Variants in ARID1B observed in about 807,000 individuals in gnomAD.
ARID1B encodes AT-rich interaction domain 1B.
Under a neutral mutation model 212.3 loss-of-function variants are expected in ARID1B, and 30 were observed. The ratio of observed to expected loss-of-function variants is 0.14; its 90% CI spans 0.11 to 0.19. ARID1B has a LOEUF of 0.19. Among genes scored for constraint, ARID1B ranks in the 10% least tolerant of loss-of-function variants. ARID1B has a pLI of 1.00. For synonymous variants in ARID1B, 1,402 were observed against 1,301.7 expected (o/e 1.08, Z -1.66); for missense variants, 2,891 against 3,204.0 (o/e 0.90, Z 2.36).
At chr6:157,154,690 T>C (rs1424354281) in intron 8 of ARID1B, among the ~76,000 whole-genome samples, 1 of 147,510 alleles carries the variant, frequency 6.8e-6, no homozygotes, top group Non-Finnish European at 1.5e-5. Flanking sequence ...GTGATTCTCC[T>C]GCCTCAGCCT....
chr6:156,892,846 C>T (rs372310340), intron 2 of ARID1B, among the ~76,000 whole-genome samples: 37 of 152,058 alleles, frequency 2.4e-4, no homozygotes, highest in African/African-American at 8.0e-4. Context: ...GTGTAAATAC[C>T]AAACTGTACT....
At chr6:156,852,804 A>T (rs996471346) in intron 2 of ARID1B, among the ~76,000 whole-genome samples, 2 of 152,094 alleles carry the variant, frequency 1.3e-5, no homozygotes, top group African/African-American at 4.8e-5. Flanking sequence ...TATCTTACTT[A>T]CTCTGAAAGT....
chr6:157,055,197 C>G (rs1398554815), intron 4 of ARID1B, among the ~76,000 whole-genome samples: 3 of 152,220 alleles, frequency 2.0e-5, no homozygotes, highest in Admixed American at 6.5e-5. Context: ...GAGTGATTAT[C>G]TTTCCTTCTA....
chr6:157,185,195 T>A (rs1206074003), intron 13 of ARID1B: 2 of 152,452 alleles, frequency 1.3e-5, no homozygotes, highest in African/African-American at 2.4e-5. Context: ...GCTTTCAGAT[T>A]TGAAATGACA....
intron 1 of ARID1B, among the ~76,000 whole-genome samples, chr6:156,813,021 TATGTATATACATATATATATACACATAC>T (rs1252173217): frequency 1.0e-4 from 15 of 143,920 alleles, no homozygotes; most frequent in African/African-American, 3.7e-4. Flanking sequence ...TACACATACG[TATGTATATACATATATATATACACATAC>T]GTATGTATAT....
intron 4 of ARID1B, among the ~76,000 whole-genome samples, chr6:156,961,516 G>A (rs192501369): frequency 7.9e-5 from 12 of 152,268 alleles, no homozygotes; most frequent in African/African-American, 1.9e-4. Flanking sequence ...TGCGTTGCGC[G>A]GGCAGGACAG....
intron 4 of ARID1B, among the ~76,000 whole-genome samples, chr6:157,061,172 GTCTT>G (rs1169206210): frequency 4.6e-5 from 7 of 151,970 alleles, no homozygotes; most frequent in Admixed American, 3.3e-4. Flanking sequence ...TCCTATTTGT[GTCTT>G]TCTTATACAT....
chr6:157,007,158 AG>A (rs1401466578), intron 4 of ARID1B, among the ~76,000 whole-genome samples: 1 of 152,260 alleles, frequency 6.6e-6, no homozygotes, highest in East Asian at 1.9e-4. Context: ...GACTCATGGA[AG>A]GGACGTAATT....
intron 4 of ARID1B, among the ~76,000 whole-genome samples, chr6:156,989,349 A>G (rs146224947): frequency 1.9e-3 from 288 of 152,326 alleles, no homozygotes; most frequent in East Asian, 0.013. Flanking sequence ...AAGTAGGATT[A>G]TATCTTTTTG....
intron 5 of ARID1B, among the ~76,000 whole-genome samples, chr6:157,086,410 C>T (rs1023633556): frequency 1.3e-5 from 2 of 152,064 alleles, no homozygotes; most frequent in African/African-American, 4.8e-5. Context: ...GTTTTTAAGA[C>T]AGTTTTTGGT....
intron 4 of ARID1B, among the ~76,000 whole-genome samples, chr6:157,066,123 C>T (rs936700436): frequency 2.0e-5 from 3 of 152,180 alleles, no homozygotes; most frequent in African/African-American, 7.2e-5. Context: ...AATCTTATTT[C>T]TTCACATGAA....
intron 4 of ARID1B, among the ~76,000 whole-genome samples, chr6:157,017,221 G>T (rs2128465514): frequency 6.6e-6 from 1 of 152,278 alleles, no homozygotes; most frequent in Non-Finnish European, 1.5e-5. Flanking sequence ...TGTTTCAAAT[G>T]TCATTGCCCA....
In ARID1B at chr6:156,955,195, C is replaced by A. The variant is rs1366921395; in HGVS notation, c.2247+19619C>A. ...TGTGTTAGGATCCTGAATCTGGCAT[C>A]TGTTGTATTTAGTGTAATTCCTACC... is the stretch of plus-strand genomic sequence containing the variant. On this transcript the variant is annotated intron_variant, in intron 4 of 19. Transcript: ENST00000636930. This position sits in a 1 kb window ranked among gnomAD's most constrained non-coding sequence, Gnocchi z 4.2. Among the ~76,000 whole-genome samples, 1 of 152,240 alleles carries A rather than the reference C, an allele frequency of 6.6e-6. No individual in the cohort carries two copies. Among genetic ancestry groups the A allele is most frequent in the East Asian group, 1.9e-4 (1 of 5,206 alleles).
intron 2 of ARID1B, among the ~76,000 whole-genome samples, chr6:156,892,791 G>T (rs1429327332): frequency 6.6e-6 from 1 of 152,168 alleles, no homozygotes; most frequent in Non-Finnish European, 1.5e-5. Flanking sequence ...TGTTGAGAAT[G>T]TATACATTTA....
At chr6:156,827,073 A>G (rs1765713920) in intron 1 of ARID1B, among the ~76,000 whole-genome samples, 1 of 152,188 alleles carries the variant, frequency 6.6e-6, no homozygotes, top group Non-Finnish European at 1.5e-5. Context: ...CCCTGGAGAT[A>G]TAATAGTGAA....
intron 4 of ARID1B, among the ~76,000 whole-genome samples, chr6:157,043,557 C>T (rs1202886879): frequency 6.6e-6 from 1 of 152,130 alleles, no homozygotes; most frequent in Non-Finnish European, 1.5e-5. Flanking sequence ...TTTTTATATC[C>T]ATATTGACTT....
intron 2 of ARID1B, among the ~76,000 whole-genome samples, chr6:156,880,222 A>AAG (rs1031109605): frequency 2.0e-5 from 3 of 152,196 alleles, no homozygotes; most frequent in African/African-American, 7.2e-5. Context: ...AGGATGTGAT[A>AAG]AGAGAGAGAA....
chr6:157,036,063 T>G (rs572312724), intron 4 of ARID1B, among the ~76,000 whole-genome samples: 26 of 152,332 alleles, frequency 1.7e-4, no homozygotes, highest in African/African-American at 6.3e-4. Context: ...CGTCTTCCTC[T>G]TTAAAAATAC....
intron 4 of ARID1B, among the ~76,000 whole-genome samples, chr6:156,957,340 T>G (rs1794044902): frequency 6.6e-6 from 1 of 152,170 alleles, no homozygotes; most frequent in African/African-American, 2.4e-5. Context: ...AGATCTCTTG[T>G]GGACATCCCC....
Sources: gnomAD v4.1 joint callset for allele counts (sites outside exome capture counted in the v4.1 genomes callset) on GRCh38, gnomAD v4.1.1 for gene constraint, Gnocchi (gnomAD v3.1) non-coding constraint, MANE v1.5 for transcripts, NCBI Gene and HGNC (gene_info 2026-07-23, HGNC 2026-07-21) for gene names.